Variants in RBMXL2 observed in about 807,000 individuals in gnomAD.
RBMXL2 encodes RNA-binding motif protein, X-linked-like-2.
Under a neutral mutation model 1.0 loss-of-function variants are expected in RBMXL2, and 2 were observed. The observed-to-expected ratio is 2.05, with a 90% confidence interval of 0.84 to 6.44. The LOEUF (loss-of-function observed/expected upper bound fraction) is 6.44, where lower values mean the gene tolerates loss of function less well. Ranked by LOEUF, RBMXL2 falls within the 30% of genes most tolerant of loss-of-function variation. The probability of loss-of-function intolerance (pLI) is 0.05; values close to 1 mark genes in which losing one functional copy is unlikely to be tolerated. For synonymous variants in RBMXL2, 313 were observed against 267.9 expected (o/e 1.17, Z -1.64); for missense variants, 658 against 608.5 (o/e 1.08, Z -0.85).
In RBMXL2 at chr11:7,089,513, C is replaced by T. The variant is rs778548313; in HGVS notation, c.393C>T (p.Gly131=). The T allele has an allele frequency of 2.5e-6, 3 of 1,223,496 alleles. No individual in the cohort carries two copies. Among genetic ancestry groups the T allele is most frequent in the East Asian group, 3.9e-5 (1 of 25,408 alleles). The allele number at this position is 1,223,496 out of a possible 1,614,324, so 75.8% of individuals were successfully genotyped here. ...CCCGGGGCGGGCCCGATGATGACGG[C>T]GGCTACACGGCGGATTTCGACCTGC... ...SPSRGGPDDD[G]GYTADFDLRP... is the part of the protein sequence containing the mutation. The change falls in exon 1 of 1, where the codon GGC becomes GGT. Residue 131 remains glycine (G), a synonymous_variant. Transcript: ENST00000306904.
rs1239749270 is a variant in RBMXL2 at position 7,090,383 on chromosome 11, C to T, written c.*84C>T. The T allele has an allele frequency of 4.9e-6, 7 of 1,438,118 alleles. No homozygotes were observed. In the Admixed American group the frequency reaches 1.4e-4, roughly 28 times the overall value. The allele number at this position is 1,438,118 out of a possible 1,614,324, so 89.1% of individuals were successfully genotyped here. A position where few individuals can be genotyped will look rare whatever the true frequency, so the allele number is the denominator to read the frequency against. ...CTGTTGTATGGTAACTACCCAAGGA[C>T]TAGTACAAGGAAGAGTTGTTTTTAC... On this transcript the variant is annotated 3_prime_UTR_variant, in exon 1 of 1. Coordinates refer to ENST00000306904, the MANE Select transcript of RBMXL2 (RefSeq NM_014469.5).
chr11:7,089,978 C>T lies in RBMXL2; in HGVS notation c.858C>T (p.Tyr286=), dbSNP rs557999059. Residue 286 remains tyrosine (Y), a synonymous_variant, in exon 1 of 1, where the codon TAC becomes TAT. Transcript: ENST00000306904. Reference sequence around the variant, plus strand: ...CCCATCGAGAGCCCTTTGAGAGCTACGGAGAGCTGCGCGGCGCCGCCCCAG... The same window carrying T: ...CCCATCGAGAGCCCTTTGAGAGCTATGGAGAGCTGCGCGGCGCCGCCCCAG... ...RGSHREPFES[Y]GELRGAAPGR... 3.1e-6 allele frequency: 5 copies of T among 1,613,122 alleles called. No individual in the cohort carries two copies. Among genetic ancestry groups the T allele is most frequent in the Middle Eastern group, 1.6e-4 (1 of 6,062 alleles).
chr11:7,090,078 A>C lies in RBMXL2; in HGVS notation c.958A>C (p.Ser320Arg), dbSNP rs779355079. The C allele has an allele frequency of 1.9e-6, 3 of 1,611,502 alleles. No homozygotes were observed. Among genetic ancestry groups the C allele is most frequent in the Non-Finnish European group, 1.7e-6 (2 of 1,179,246 alleles). The change falls in exon 1 of 1, where the codon AGC becomes CGC. Residue 320 changes from serine to arginine, a missense_variant. Coordinates refer to ENST00000306904, the MANE Select transcript of RBMXL2 (RefSeq NM_014469.5). ...EYRGYSPDAYSGGRDSYSSSY... is the reference protein window; with the variant it reads ...EYRGYSPDAYRGGRDSYSSSY... ...CCGGGGCTACTCACCCGATGCCTAC[A>C]GCGGCGGCCGCGACAGTTACAGCAG...
rs1853115633 is a variant in RBMXL2, at chr11:7,090,618, G to A, written c.*319G>A. The A allele has an allele frequency of 2.5e-6, 1 of 403,302 alleles. No individual in the cohort carries two copies. The allele number at this position is 403,302 out of a possible 1,614,324, so 25.0% of individuals were successfully genotyped here. On this transcript the variant is annotated 3_prime_UTR_variant, in exon 1 of 1. Coordinates refer to ENST00000306904, the MANE Select transcript of RBMXL2 (RefSeq NM_014469.5). The stretch of plus-strand genomic sequence containing the variant: ...CCTTGTAAATTTTCTTGATAAATGA[G>A]GCAAACAGTTCTAAGATCTTTGATA...
rs61881489 is a variant in RBMXL2 at position 7,090,999 on chromosome 11, T to C, written c.*700T>C. The C allele has an allele frequency of 0.018, 2,928 of 167,284 alleles. 34 individuals are homozygous for C. Among genetic ancestry groups the C allele is most frequent in the Non-Finnish European group, 0.02 (1,380 of 68,188 alleles). 10.4% of individuals were successfully genotyped at this position (167,284 alleles called of 1,614,324 possible). A position where few individuals can be genotyped will look rare whatever the true frequency, so the allele number is the denominator to read the frequency against. ...TGTTTTGAACAACAGTGGAATACTATATCAAAGGTTTGGCCAACCAACCAC... is the reference window on the plus strand; with the variant it reads ...TGTTTTGAACAACAGTGGAATACTACATCAAAGGTTTGGCCAACCAACCAC... On this transcript the variant is annotated 3_prime_UTR_variant, in exon 1 of 1. Transcript: ENST00000306904.
chr11:7,091,135 A>T lies in RBMXL2; in HGVS notation c.*836A>T, dbSNP rs140878682. On this transcript the variant is annotated 3_prime_UTR_variant, in exon 1 of 1. Coordinates refer to ENST00000306904, the MANE Select transcript of RBMXL2 (RefSeq NM_014469.5). ...AAATAAATCAGTGGTCGACTTGGGG[A>T]CCGTAATGGCTTCCATTCCTAACTC... is the stretch of plus-strand genomic sequence containing the variant. Among the ~76,000 whole-genome samples the T allele has an allele frequency of 1.7e-3, 265 of 152,356 alleles. No homozygotes were observed. The highest frequency in any genetic ancestry group is 5.9e-3 in the African/African-American group (246 of 41,590).
At position 7,090,794 on chromosome 11, in the gene RBMXL2, C is replaced by G. The variant is rs1478365791; in HGVS notation, c.*495C>G. ...AATCTTTGTTTCCAGTATTAAAAAG[C>G]AAACAACCAGCAACAACAACAACAA... On this transcript the variant is annotated 3_prime_UTR_variant, in exon 1 of 1. Coordinates refer to ENST00000306904, the MANE Select transcript of RBMXL2 (RefSeq NM_014469.5). The G allele has an allele frequency of 5.8e-6, 1 of 171,942 alleles. No individual in the cohort carries two copies. The highest frequency in any genetic ancestry group is 2.4e-5 in the African/African-American group (1 of 41,326). The allele number at this position is 171,942 out of a possible 1,614,324, so 10.7% of individuals were successfully genotyped here. A position where few individuals can be genotyped will look rare whatever the true frequency, so the allele number is the denominator to read the frequency against.
chr11:7,090,680 C>T lies in RBMXL2; in HGVS notation c.*381C>T, dbSNP rs1298999452. On this transcript the variant is annotated 3_prime_UTR_variant, in exon 1 of 1. Coordinates refer to ENST00000306904, the MANE Select transcript of RBMXL2 (RefSeq NM_014469.5). ...ACCTAAAATGGAAAAACGGATCATTCTGCTCATTTAAACCAACTAGATTTT... is the reference window on the plus strand; with the variant it reads ...ACCTAAAATGGAAAAACGGATCATTTTGCTCATTTAAACCAACTAGATTTT... The T allele has an allele frequency of 9.4e-6, 3 of 318,868 alleles. No individual in the cohort carries two copies. The highest frequency in any genetic ancestry group is 6.5e-5 in the South Asian group (2 of 30,946). The allele number at this position is 318,868 out of a possible 1,614,324, so 19.8% of individuals were successfully genotyped here. A position where few individuals can be genotyped will look rare whatever the true frequency, so the allele number is the denominator to read the frequency against.
chr11:7,089,261 G>A lies in RBMXL2; in HGVS notation c.141G>A (p.Lys47=), dbSNP rs1322242722. The part of the protein sequence containing the change: ...VLLMKDRETN[K]SRGFAFVTFE... Reference sequence around the variant, plus strand: ...TGATGAAAGACCGAGAAACCAACAAGTCGAGGGGCTTCGCGTTCGTCACCT... The same window carrying A: ...TGATGAAAGACCGAGAAACCAACAAATCGAGGGGCTTCGCGTTCGTCACCT... Residue 47 remains lysine, a synonymous_variant, in exon 1 of 1, where the codon AAG becomes AAA. Coordinates refer to ENST00000306904, the MANE Select transcript of RBMXL2 (RefSeq NM_014469.5). 2 of 1,611,192 alleles carry A rather than the reference G, an allele frequency of 1.2e-6. No individual in the cohort carries two copies. The highest frequency in any genetic ancestry group is 1.7e-6 in the Non-Finnish European group (2 of 1,178,624).
In RBMXL2 at chr11:7,090,385, A is replaced by G. The variant is rs1273268893; in HGVS notation, c.*86A>G. The G allele has an allele frequency of 4.9e-6, 7 of 1,423,698 alleles. No homozygotes were observed. The highest frequency in any genetic ancestry group is 5.0e-5 in the East Asian group (2 of 40,332). 88.2% of individuals were successfully genotyped at this position (1,423,698 alleles called of 1,614,324 possible). ...GTTGTATGGTAACTACCCAAGGACT[A>G]GTACAAGGAAGAGTTGTTTTTACCT... On this transcript the variant is annotated 3_prime_UTR_variant, in exon 1 of 1. Coordinates refer to ENST00000306904, the MANE Select transcript of RBMXL2 (RefSeq NM_014469.5).
At position 7,089,844 on chromosome 11, in the gene RBMXL2, G is replaced by C. The variant is rs187868291; in HGVS notation, c.724G>C (p.Asp242His). ...CTCGCCCGGAGAGTACACCCACCGC[G>C]ATTACGGCCACTCCAGTGTCCGGGA... Reference protein sequence around the residue: ...APSPGEYTHRDYGHSSVRDDC... With the variant: ...APSPGEYTHRHYGHSSVRDDC... The change falls in exon 1 of 1, where the codon GAT becomes CAT. Residue 242 changes from aspartate (D) to histidine (H), a missense_variant. Physicochemically the swap from Asp to His is moderately conservative, Grantham distance 81. Coordinates refer to ENST00000306904, the MANE Select transcript of RBMXL2 (RefSeq NM_014469.5). 1.1e-5 allele frequency: 17 copies of C among 1,611,630 alleles called. No individual in the cohort carries two copies. The highest frequency in any genetic ancestry group is 1.4e-5 in the Non-Finnish European group (16 of 1,179,870).
Position 7,089,790 on chromosome 11 carries a change from G to T in RBMXL2, c.670G>T (p.Asp224Tyr), listed in dbSNP as rs1170899368. ...YSSRDGYSSR[D>Y]YREPRGFAPS... is the part of the protein sequence containing the mutation. Reference sequence around the variant, plus strand: ...GTCCAGAGACGGCTACTCGAGCCGAGACTACCGCGAACCCCGGGGTTTTGC... The same window carrying T: ...GTCCAGAGACGGCTACTCGAGCCGATACTACCGCGAACCCCGGGGTTTTGC... The change falls in exon 1 of 1, where the codon GAC (aspartate) becomes TAC (tyrosine). Residue 224 changes from aspartate (D) to tyrosine (Y), a missense_variant. Asp to Tyr is a radical substitution (Grantham distance 160). Transcript: ENST00000306904. The T allele has an allele frequency of 1.3e-6, 2 of 1,599,520 alleles. No individual in the cohort carries two copies. Among genetic ancestry groups the T allele is most frequent in the Non-Finnish European group, 8.5e-7 (1 of 1,177,942 alleles).
Position 7,089,013 on chromosome 11 carries a change from G to A in RBMXL2, c.-108G>A, listed in dbSNP as rs1853073876. On this transcript the variant is annotated 5_prime_UTR_variant, in exon 1 of 1. Transcript: ENST00000306904. ...GCGGTTCCGTGGACTCGGCGACTAGGCGCCGCCTGACCAGTAGGAGCCGCC... is the reference window on the plus strand; with the variant it reads ...GCGGTTCCGTGGACTCGGCGACTAGACGCCGCCTGACCAGTAGGAGCCGCC... 7.5e-7 allele frequency: 1 copy of A among 1,341,130 alleles called. No homozygotes were observed. Among genetic ancestry groups the A allele is most frequent in the Non-Finnish European group, 1.0e-6 (1 of 959,664 alleles). The allele number at this position is 1,341,130 out of a possible 1,614,324, so 83.1% of individuals were successfully genotyped here.
rs746444711 is a variant in RBMXL2, at chr11:7,089,217, C to T, written c.97C>T (p.Arg33Cys). Residue 33 changes from arginine to cysteine, a missense_variant, in exon 1 of 1, where the codon CGC (arginine) becomes TGC (cysteine). Transcript: ENST00000306904. ...ALEAEFGKYG[R>C]IVEVLLMKDR... ...CGAAGCCGAGTTTGGCAAGTATGGC[C>T]GCATCGTCGAGGTGCTCCTGATGAA... 10 of 1,613,216 alleles carry T rather than the reference C, an allele frequency of 6.2e-6. No homozygotes were observed. The highest frequency in any genetic ancestry group is 4.0e-5 in the African/African-American group (3 of 74,916).
Position 7,089,071 on chromosome 11 carries a change from G to T in RBMXL2, c.-50G>T, listed in dbSNP as rs778997711. On this transcript the variant is annotated 5_prime_UTR_variant, in exon 1 of 1. Transcript: ENST00000306904. ...AGCGAGCTCGAAGGCTGCGACTGGC[G>T]CCGCCTCACCGCCTCCCACCGCCAC... 45 of 1,583,694 alleles carry T rather than the reference G, an allele frequency of 2.8e-5. No individual in the cohort carries two copies. Among genetic ancestry groups the T allele is most frequent in the Non-Finnish European group, 3.8e-5 (44 of 1,160,842 alleles).
rs1350770060 is a variant in RBMXL2 at position 7,090,137 on chromosome 11, C to G, written c.1017C>G (p.Gly339=). The change falls in exon 1 of 1, where the codon GGC becomes GGG. Residue 339 remains glycine, a synonymous_variant. Coordinates refer to ENST00000306904, the MANE Select transcript of RBMXL2 (RefSeq NM_014469.5). ...SYGRSDRYSR[G]RHRVGRPDRG... ...GCCGGAGCGACCGCTACTCGAGGGG[C>G]CGACACCGGGTGGGCAGACCAGATC... 6.2e-7 allele frequency: 1 copy of G among 1,613,278 alleles called. No individual in the cohort carries two copies. The highest frequency in any genetic ancestry group is 1.7e-5 in the Admixed American group (1 of 60,006).
Position 7,089,698 on chromosome 11 carries a change from C to T in RBMXL2, c.578C>T (p.Pro193Leu). ...AVRGRDGYSG[P>L]PRREPLPPRR... ...CGGGGGCGAGACGGCTACTCAGGCC[C>T]ACCGCGCCGGGAGCCGCTGCCCCCG... Residue 193 changes from proline to leucine, a missense_variant, in exon 1 of 1, where the codon CCA becomes CTA. Pro to Leu is a moderately conservative substitution (Grantham distance 98). Transcript: ENST00000306904. 2.6e-6 allele frequency: 4 copies of T among 1,519,004 alleles called. No individual in the cohort carries two copies. The highest frequency in any genetic ancestry group is 2.6e-6 in the Non-Finnish European group (3 of 1,135,700). The allele number at this position is 1,519,004 out of a possible 1,614,324, so 94.1% of individuals were successfully genotyped here. A position where few individuals can be genotyped will look rare whatever the true frequency, so the allele number is the denominator to read the frequency against.
In RBMXL2 at chr11:7,090,093, A is replaced by T; in HGVS notation, c.973A>T (p.Ser325Cys). The T allele has an allele frequency of 6.2e-7, 1 of 1,611,820 alleles. No homozygotes were observed. The highest frequency in any genetic ancestry group is 8.5e-7 in the Non-Finnish European group (1 of 1,179,142). ...CGATGCCTACAGCGGCGGCCGCGACAGTTACAGCAGCAGTTATGGCCGGAG... is the reference window on the plus strand; with the variant it reads ...CGATGCCTACAGCGGCGGCCGCGACTGTTACAGCAGCAGTTATGGCCGGAG... ...SPDAYSGGRD[S>C]YSSSYGRSDR... Residue 325 changes from serine (S) to cysteine (C), a missense_variant, in exon 1 of 1, where the codon AGT (serine) becomes TGT (cysteine). Physicochemically the swap from Ser to Cys is moderately radical, Grantham distance 112 (BLOSUM62 -1). Transcript: ENST00000306904.
In RBMXL2 at chr11:7,089,849, C is replaced by T. The variant is rs751190048; in HGVS notation, c.729C>T (p.Tyr243=). ...PSPGEYTHRD[Y]GHSSVRDDCP... The stretch of plus-strand genomic sequence containing the variant: ...CCGGAGAGTACACCCACCGCGATTA[C>T]GGCCACTCCAGTGTCCGGGACGACT... The change falls in exon 1 of 1, where the codon TAC becomes TAT. Residue 243 remains tyrosine, a synonymous_variant. Coordinates refer to ENST00000306904, the MANE Select transcript of RBMXL2 (RefSeq NM_014469.5). The T allele has an allele frequency of 4.3e-6, 7 of 1,611,898 alleles. No homozygotes were observed. Among genetic ancestry groups the T allele is most frequent in the East Asian group, 4.5e-5 (2 of 44,854 alleles).
Sources: gnomAD v4.1 joint callset for allele counts (sites outside exome capture counted in the v4.1 genomes callset) on GRCh38, gnomAD v4.1.1 for gene constraint, MANE v1.5 for transcripts, NCBI Gene and HGNC (gene_info 2026-07-23, HGNC 2026-07-21) for gene names.